The following PLXDC1 variants were observed in gnomAD, a reference collection of about 807,000 sequenced individuals.
PLXDC1 encodes plexin domain-containing protein 1.
In PLXDC1, 39 loss-of-function variants were observed where a neutral mutation model predicts 61.3. That is an observed-to-expected ratio of 0.64 (90% CI 0.49 to 0.83). The LOEUF (loss-of-function observed/expected upper bound fraction) is 0.83. PLXDC1 is among the 40% of genes least tolerant of loss of function. PLXDC1 has a pLI of 0.00. For synonymous variants in PLXDC1, 212 were observed against 254.5 expected (o/e 0.83, Z 1.59); for missense variants, 596 against 666.5 (o/e 0.89, Z 1.17).
intron 2 of PLXDC1, among the ~76,000 whole-genome samples, chr17:39,124,335 G>C (rs1911255429): frequency 6.6e-6 from 1 of 152,250 alleles, no homozygotes; most frequent in Admixed American, 6.5e-5. Flanking sequence ...GCTCACGCCT[G>C]TAATCCCAAT....
intron 11 of PLXDC1, among the ~76,000 whole-genome samples, chr17:39,075,523 T>G (rs530573546): frequency 2.0e-5 from 3 of 152,240 alleles, no homozygotes; most frequent in Non-Finnish European, 2.9e-5. Flanking sequence ...TTCTTGGCTG[T>G]GTGACCTTGG....
At chr17:39,092,788 C>T (rs1910005366) in intron 7 of PLXDC1, among the ~76,000 whole-genome samples, 1 of 152,210 alleles carries the variant, frequency 6.6e-6, no homozygotes, top group Non-Finnish European at 1.5e-5. Flanking sequence ...GTTGTGAGTG[C>T]AGATAAATAT....
At chr17:39,119,623 A>G (rs4794804) in intron 2 of PLXDC1, among the ~76,000 whole-genome samples, 45,859 of 151,730 alleles carry the variant, frequency 0.3, 7,168 homozygotes, top group East Asian at 0.56. Flanking sequence ...GCGTGCTCCC[A>G]TAGTCCGAGC....
At position 39,076,508 on chromosome 17, in the gene PLXDC1, CAA is replaced by C. The variant is rs34943653; in HGVS notation, c.1186+1403_1186+1404del. 6.6e-3 allele frequency among the ~76,000 whole-genome samples: 564 copies of C among 85,008 alleles called. 1 individual carries two copies. Among genetic ancestry groups the C allele is most frequent in the African/African-American group, 0.019 (495 of 25,906 alleles). 55.8% of individuals were successfully genotyped at this position (85,008 alleles called of 152,430 possible). A position where few individuals can be genotyped will look rare whatever the true frequency, so the allele number is the denominator to read the frequency against. ...CCTGAGCAAGAGTGAGACCCTGTCT[CAA>C]AAAAAAAAAAAAAAATCCTAACATA... is the stretch of plus-strand genomic sequence containing the variant. On this transcript the variant is annotated intron_variant, in intron 11 of 13. Transcript: ENST00000315392.
At position 39,144,105 on chromosome 17, in the gene PLXDC1, G is replaced by A. The variant is rs997652765; in HGVS notation, c.77-4273C>T. 2.2e-4 allele frequency among the ~76,000 whole-genome samples: 33 copies of A among 152,284 alleles called. 1 individual carries two copies. Among genetic ancestry groups the A allele is most frequent in the Admixed American group, 8.5e-4 (13 of 15,304 alleles). On this transcript the variant is annotated intron_variant, in intron 1 of 13. Coordinates refer to ENST00000315392, the MANE Select transcript of PLXDC1 (RefSeq NM_020405.5). ...AACCTGGAGCCGAGACAGGAGGCGG[G>A]ATGGTGGAGGCCTGCAGCCCGGGGA...
At chr17:39,130,560 T>C (rs142604637) in intron 2 of PLXDC1, among the ~76,000 whole-genome samples, 111 of 152,242 alleles carry the variant, frequency 7.3e-4, no homozygotes, top group Admixed American at 1.4e-3. Flanking sequence ...AAATGGTTTA[T>C]TTTATTTTAC....
Position 39,069,865 on chromosome 17 carries a change from G to A in PLXDC1, c.1374C>T (p.Phe458=), listed in dbSNP as rs1398623740. ...NGHPTSNAAL[F]FIERRPHHWP... The stretch of plus-strand genomic sequence containing the variant: ...CACAGATGACACGGACCTCGATGAA[G>A]AAGAGCGCAGCATTGGATGTGGGGT... Residue 458 remains phenylalanine (F), a synonymous_variant, in exon 13 of 14, where the codon TTC becomes TTT. Transcript: ENST00000315392. 2 of 1,613,832 alleles carry A rather than the reference G, an allele frequency of 1.2e-6. No individual in the cohort carries two copies. Among genetic ancestry groups the A allele is most frequent in the Admixed American group, 1.7e-5 (1 of 60,024 alleles).
intron 2 of PLXDC1, among the ~76,000 whole-genome samples, chr17:39,137,960 G>A (rs922726329): frequency 9.2e-5 from 14 of 151,894 alleles, no homozygotes; most frequent in African/African-American, 2.7e-4. Context: ...ATATTTTTTC[G>A]GAGACAGAGT....
At chr17:39,114,800 G>A (rs1910914918) in intron 2 of PLXDC1, among the ~76,000 whole-genome samples, 1 of 152,186 alleles carries the variant, frequency 6.6e-6, no homozygotes, top group South Asian at 2.1e-4. Flanking sequence ...ACCTGAGCGG[G>A]CCAGTGTTTA....
At chr17:39,117,902 G>C (rs1183005468) in intron 2 of PLXDC1, among the ~76,000 whole-genome samples, 1 of 152,114 alleles carries the variant, frequency 6.6e-6, no homozygotes, top group Non-Finnish European at 1.5e-5. Flanking sequence ...ACTTCAGCTG[G>C]GGCAGGGCTG....
chr17:39,122,087 ACT>A (rs1359056048), intron 2 of PLXDC1, among the ~76,000 whole-genome samples: 1 of 100,098 alleles, frequency 1.0e-5, no homozygotes, highest in Non-Finnish European at 1.9e-5. Context: ...ACAGTTCAAG[ACT>A]CTGTCAAAAA....
rs977380045 is a variant in PLXDC1, at chr17:39,131,305, C to T, written c.255+8349G>A. On this transcript the variant is annotated intron_variant, in intron 2 of 13. Transcript: ENST00000315392. ...GGAGACGACATCTGCACTCCACCTCCTGCCTCCCTGGACATGCTTTCTTCT... is the reference window on the plus strand; with the variant it reads ...GGAGACGACATCTGCACTCCACCTCTTGCCTCCCTGGACATGCTTTCTTCT... 2.3e-4 allele frequency among the ~76,000 whole-genome samples: 35 copies of T among 152,236 alleles called. 1 individual carries two copies. Among genetic ancestry groups the T allele is most frequent in the Admixed American group, 8.5e-4 (13 of 15,284 alleles).
At chr17:39,100,453 G>C (rs1447130627) in intron 7 of PLXDC1, among the ~76,000 whole-genome samples, 2 of 152,068 alleles carry the variant, frequency 1.3e-5, no homozygotes. Context: ...ATGGGGTTTC[G>C]ACATATTGGC....
chr17:39,088,951 A>AG (rs1188053196), intron 7 of PLXDC1, among the ~76,000 whole-genome samples: 3 of 135,086 alleles, frequency 2.2e-5, no homozygotes, highest in Middle Eastern at 3.7e-3. Context: ...CTGAAAAAAA[A>AG]AAAAAAAAAA....
intron 13 of PLXDC1, 122 bp from the exon 14 acceptor site, chr17:39,068,081 A>C: frequency 2.4e-6 from 2 of 836,944 alleles, no homozygotes; most frequent in South Asian, 3.6e-5. Flanking sequence ...ACTTGGGCCT[A>C]CCAGGAGCCA....
At position 39,105,263 on chromosome 17, in the gene PLXDC1, A is replaced by G. The variant is rs920490048; in HGVS notation, c.811+591T>C. Among the ~76,000 whole-genome samples, 3 of 152,198 alleles carry G rather than the reference A, an allele frequency of 2.0e-5. No individual in the cohort carries two copies. The South Asian group carries it at 6.2e-4, about 31-fold the overall frequency. ...CCGCGCTCCCCAGGAGTACAAATCC[A>G]AGACCCTCGTGAGCACGCAATGGGG... On this transcript the variant is annotated intron_variant, in intron 7 of 13. Coordinates refer to ENST00000315392, the MANE Select transcript of PLXDC1 (RefSeq NM_020405.5).
At chr17:39,072,583 A>G (rs1346700968) in intron 11 of PLXDC1, 98 bp from the exon 12 acceptor site, 3 of 803,226 alleles carry the variant, frequency 3.7e-6, no homozygotes, top group Non-Finnish European at 6.5e-6. Flanking sequence ...CCAAACTTTC[A>G]TTTTAGAGGT....
At chr17:39,092,718 G>A (rs1910002680) in intron 7 of PLXDC1, among the ~76,000 whole-genome samples, 1 of 136,460 alleles carries the variant, frequency 7.3e-6, no homozygotes, top group South Asian at 2.3e-4. Flanking sequence ...TAAAATCAGA[G>A]GCTAGACTTT....
chr17:39,102,611 G>A (rs1431923882), intron 7 of PLXDC1, among the ~76,000 whole-genome samples: 1 of 152,110 alleles, frequency 6.6e-6, no homozygotes, highest in Non-Finnish European at 1.5e-5. Context: ...CCATTAAAGA[G>A]AAGAATGAGG....
Sources: allele counts gnomAD v4.1 joint callset (sites outside exome capture counted in the v4.1 genomes callset), GRCh38; gene constraint gnomAD v4.1.1; transcripts MANE v1.5; gene names NCBI Gene and HGNC (gene_info 2026-07-23, HGNC 2026-07-21).